CACNG6: variants seen among roughly 807,000 people sequenced by gnomAD.
The protein encoded by CACNG6 is voltage-dependent calcium channel gamma-6 subunit.
A neutral mutation model predicts 23.9 loss-of-function variants in CACNG6; 21 were observed. The observed-to-expected ratio is 0.88, with a 90% CI of 0.62 to 1.26. CACNG6 has a LOEUF of 1.26. CACNG6 is among the 50% of genes most tolerant of loss of function. The probability of loss-of-function intolerance (pLI) is 0.00; values close to 1 mark genes in which losing one functional copy is unlikely to be tolerated. For synonymous variants in CACNG6, 182 were observed against 168.9 expected (o/e 1.08, Z -0.60); for missense variants, 340 against 352.9 (o/e 0.96, Z 0.29).
Position 53,993,118 on chromosome 19 carries a change from C to T in CACNG6, c.241C>T (p.Leu81=), listed in dbSNP as rs1402679059. The part of the protein sequence containing the change: ...NGSAVCEAAH[L]GLWKACTKRL... ...CAGCGCCGTGTGCGAAGCGGCCCAC[C>T]TGGGGCTGTGGAAGGCGTGCACCAA... Residue 81 remains leucine, a synonymous_variant, in exon 1 of 4, where the codon CTG becomes TTG. Coordinates refer to ENST00000252729, the MANE Select transcript of CACNG6 (RefSeq NM_145814.2). 1 of 1,547,966 alleles carries T rather than the reference C, an allele frequency of 6.5e-7. No individual in the cohort carries two copies. The highest frequency in any genetic ancestry group is 8.7e-7 in the Non-Finnish European group (1 of 1,145,962).
intron 1 of CACNG6, among the ~76,000 whole-genome samples, chr19:53,995,379 C>T (rs137867395): frequency 6.6e-6 from 1 of 152,168 alleles, no homozygotes; most frequent in Admixed American, 6.5e-5. Context: ...AGAGAAATAT[C>T]TCACACTCAC....
chr19:54,003,246 T>C (rs754984239), intron 3 of CACNG6, among the ~76,000 whole-genome samples: 7 of 152,272 alleles, frequency 4.6e-5, no homozygotes, highest in Non-Finnish European at 1.0e-4. Flanking sequence ...TCTTCAAGCC[T>C]GAACAAATCT....
rs936337599 is a variant in CACNG6, at chr19:54,012,051, C to T, written c.645C>T (p.Tyr215=). ...CTCCCCCGGCCCCACGCCTCACCTA[C>T]GAGTACTCCTGGTCCCTGGGCTGCG... ...PEPPPAPRLT[Y]EYSWSLGCGV... Residue 215 remains tyrosine, a synonymous_variant, in exon 4 of 4, where the codon TAC becomes TAT. Transcript: ENST00000252729. 3.7e-6 allele frequency: 6 copies of T among 1,607,074 alleles called. No homozygotes were observed. The Admixed American group carries it at 8.5e-5, about 23-fold the overall frequency.
chr19:54,009,021 G>GT (rs1261813135), intron 3 of CACNG6, among the ~76,000 whole-genome samples: 1 of 152,220 alleles, frequency 6.6e-6, no homozygotes, highest in Non-Finnish European at 1.5e-5. Context: ...GGGTGCGGCA[G>GT]TTCACCCCTG....
Position 53,993,031 on chromosome 19 carries a change from C to A in CACNG6, c.154C>A (p.Leu52Met). Residue 52 changes from leucine to methionine, a missense_variant, in exon 1 of 4, where the codon CTG (leucine) becomes ATG (methionine). Transcript: ENST00000252729. ...GCTGCTGGCCGCCGTGGGCGCCACG[C>A]TGGCGGTGCTGTCCGTGGGCACCGA... is the stretch of plus-strand genomic sequence containing the variant. Reference protein sequence around the residue: ...ALLLAAVGATLAVLSVGTEFW... With the variant: ...ALLLAAVGATMAVLSVGTEFW... The A allele has an allele frequency of 6.8e-7, 1 of 1,473,574 alleles. No homozygotes were observed. Among genetic ancestry groups the A allele is most frequent in the Non-Finnish European group, 9.0e-7 (1 of 1,114,232 alleles). The allele number at this position is 1,473,574 out of a possible 1,614,324, so 91.3% of individuals were successfully genotyped here.
intron 1 of CACNG6, among the ~76,000 whole-genome samples, chr19:53,996,654 A>G (rs1022967491): frequency 5.3e-5 from 8 of 151,758 alleles, no homozygotes; most frequent in African/African-American, 1.5e-4. Flanking sequence ...TGGCCTCCCA[A>G]TGTGTTGGGA....
Position 54,012,210 on chromosome 19 carries a change from T to C in CACNG6, c.*21T>C. ...CCTAGAGCCACGCGTGAGACTTCTC[T>C]AAGCAACCACCGAGCCCTTTGACCT... On this transcript the variant is annotated 3_prime_UTR_variant, in exon 4 of 4. Transcript: ENST00000252729. The C allele has an allele frequency of 9.0e-7, 1 of 1,115,082 alleles. No homozygotes were observed. The highest frequency in any genetic ancestry group is 1.2e-6 in the Non-Finnish European group (1 of 813,206). The allele number at this position is 1,115,082 out of a possible 1,614,324, so 69.1% of individuals were successfully genotyped here.
At chr19:54,004,615 C>A (rs919343651) in intron 3 of CACNG6, among the ~76,000 whole-genome samples, 23 of 152,078 alleles carry the variant, frequency 1.5e-4, no homozygotes, top group Admixed American at 1.3e-3. Context: ...GTGGCAAGGC[C>A]TCGCGCGGGC....
intron 3 of CACNG6, among the ~76,000 whole-genome samples, chr19:54,004,904 T>TAAAG (rs750967499): frequency 6.6e-6 from 1 of 151,678 alleles, no homozygotes; most frequent in African/African-American, 2.4e-5. Context: ...ATGTTAAAAA[T>TAAAG]AAATAAATAA....
chr19:53,991,392 G>A (rs2145949197), upstream of CACNG6, among the ~76,000 whole-genome samples: 1 of 152,040 alleles, frequency 6.6e-6, no homozygotes, highest in East Asian at 1.9e-4. Context: ...GCGGAGCTGG[G>A]ACTCTCGGCG....
intron 3 of CACNG6, among the ~76,000 whole-genome samples, chr19:54,000,031 T>C (rs1010180836): frequency 6.6e-6 from 1 of 152,134 alleles, no homozygotes; most frequent in Non-Finnish European, 1.5e-5. Flanking sequence ...CCAAGGGCTA[T>C]AGTAGGTTCA....
chr19:54,012,149 G>A lies in CACNG6; in HGVS notation c.743G>A (p.Trp248Ter). 1 of 1,516,586 alleles carries A rather than the reference G, an allele frequency of 6.6e-7. No individual in the cohort carries two copies. The allele number at this position is 1,516,586 out of a possible 1,614,324, so 93.9% of individuals were successfully genotyped here. The change falls in exon 4 of 4, where the codon TGG becomes TAG. Residue 248 changes from tryptophan (W) to a stop codon, truncating the protein, a stop_gained. Transcript: ENST00000252729. LOFTEE classifies it high-confidence loss of function. ...CTGCTCACACTGCCTTCCTGGCCCTGGGGGTCCCTCTGTCCCAAGCGGGGG... is the reference window on the plus strand; with the variant it reads ...CTGCTCACACTGCCTTCCTGGCCCTAGGGGTCCCTCTGTCCCAAGCGGGGG... ...FLLLTLPSWP[W>*]GSLCPKRGHR...
intron 3 of CACNG6, among the ~76,000 whole-genome samples, chr19:54,003,360 TTTTA>T (rs917278488): frequency 6.6e-6 from 1 of 151,990 alleles, no homozygotes; most frequent in Non-Finnish European, 1.5e-5. Flanking sequence ...TTTTTATTTA[TTTTA>T]TTTATTTTTT....
At chr19:54,007,714 G>A (rs2069662914) in intron 3 of CACNG6, among the ~76,000 whole-genome samples, 1 of 151,444 alleles carries the variant, frequency 6.6e-6, no homozygotes, top group Non-Finnish European at 1.5e-5. Context: ...CCGGGGCAAT[G>A]TAGAAAGATC....
At chr19:54,002,268 TTTTTTTG>T (rs1393729294) in intron 3 of CACNG6, among the ~76,000 whole-genome samples, 1 of 111,980 alleles carries the variant, frequency 8.9e-6, no homozygotes, top group African/African-American at 5.2e-5. Context: ...TAATTTTCGG[TTTTTTTG>T]TTTTTTTTGT....
At chr19:53,998,196 A>C (rs1200993661) in intron 1 of CACNG6, 43 bp from the exon 2 acceptor site, 2 of 1,556,758 alleles carry the variant, frequency 1.3e-6, no homozygotes, top group Non-Finnish European at 1.8e-6. Flanking sequence ...TACGCAAGGG[A>C]CCTCACATCC....
intron 3 of CACNG6, among the ~76,000 whole-genome samples, chr19:54,005,721 C>A (rs1353256393): frequency 1.4e-5 from 2 of 142,054 alleles, no homozygotes; most frequent in African/African-American, 5.2e-5. Context: ...CCACTGCACT[C>A]CAGCCTGGGC....
intron 1 of CACNG6, among the ~76,000 whole-genome samples, chr19:53,997,647 C>T (rs1431554544): frequency 6.6e-6 from 1 of 152,124 alleles, no homozygotes; most frequent in African/African-American, 2.4e-5. Flanking sequence ...ATTCCGGCTG[C>T]CTCTCTCTGA....
chr19:54,012,471 G>A lies in CACNG6; in HGVS notation c.*282G>A, dbSNP rs903856487. 1 of 280,824 alleles carries A rather than the reference G, an allele frequency of 3.6e-6. No homozygotes were observed. The highest frequency in any genetic ancestry group is 6.6e-6 in the Non-Finnish European group (1 of 152,294). 17.4% of individuals were successfully genotyped at this position (280,824 alleles called of 1,614,324 possible). Reference sequence around the variant, plus strand: ...GGCGGGGACCTGATGGGGTAGCTGGGGTGTGGGGTTGGGGGATGAGGTCAG... The same window carrying A: ...GGCGGGGACCTGATGGGGTAGCTGGAGTGTGGGGTTGGGGGATGAGGTCAG... On this transcript the variant is annotated 3_prime_UTR_variant, in exon 4 of 4. Coordinates refer to ENST00000252729, the MANE Select transcript of CACNG6 (RefSeq NM_145814.2).
Sources: allele counts gnomAD v4.1 joint callset (sites outside exome capture counted in the v4.1 genomes callset), GRCh38; gene constraint gnomAD v4.1.1; transcripts MANE v1.5; gene names NCBI Gene and HGNC (gene_info 2026-07-23, HGNC 2026-07-21).